The following CATSPERE variants were observed in gnomAD, a reference collection of about 807,000 sequenced individuals.
The protein encoded by CATSPERE is cation channel sperm-associated auxiliary subunit epsilon.
CATSPERE carries 93 observed loss-of-function variants against 114.1 expected under a neutral mutation model. The ratio of observed to expected loss-of-function variants is 0.81; its 90% CI spans 0.69 to 0.97. The LOEUF (loss-of-function observed/expected upper bound fraction) is 0.97, where lower values mean the gene tolerates loss of function less well. CATSPERE is among the 50% of genes least tolerant of loss of function. CATSPERE has a pLI of 0.00. For missense variants in CATSPERE, 1,058 were observed against 1,131.6 expected, an observed-to-expected ratio of 0.93 and a Z score of 0.93; for synonymous variants, 341 against 384.1, an observed-to-expected ratio of 0.89 and a Z score of 1.31.
At chr1:244,477,744 C>A in intron 3 of CATSPERE, 130 bp downstream of exon 3, 2 of 934,474 alleles carry the variant, frequency 2.1e-6, no homozygotes, top group Non-Finnish European at 3.3e-6. Context: ...AAAAGCAAGA[C>A]AAAATCAGGT....
intron 6 of CATSPERE, among the ~76,000 whole-genome samples, chr1:244,491,006 G>C (rs1293391382): frequency 6.6e-6 from 1 of 151,870 alleles, no homozygotes; most frequent in Non-Finnish European, 1.5e-5. Context: ...AGTATGAAGG[G>C]GGTCCTACTG....
rs571247040 is a variant in CATSPERE, at chr1:244,523,185, C to T, written c.536+4487C>T. ...TGGGATGCAAGGCTGATTCAATATA[C>T]GCAAATCAATAAATGTAATCCAGCA... On this transcript the variant is annotated intron_variant, in intron 8 of 21. Transcript: ENST00000366534. 6.8e-4 allele frequency among the ~76,000 whole-genome samples: 101 copies of T among 149,444 alleles called. 2 individuals are homozygous for T. The highest frequency in any genetic ancestry group is 2.1e-3 in the African/African-American group (83 of 39,170).
intron 7 of CATSPERE, among the ~76,000 whole-genome samples, chr1:244,508,299 T>G (rs1252886134): frequency 6.7e-6 from 1 of 150,266 alleles, no homozygotes; most frequent in African/African-American, 2.4e-5. Context: ...CTGTTTTTTC[T>G]TTTCTTTTTT....
At chr1:244,478,358 A>G (rs769171927) in intron 4 of CATSPERE, among the ~76,000 whole-genome samples, 1 of 152,226 alleles carries the variant, frequency 6.6e-6, no homozygotes, top group Non-Finnish European at 1.5e-5. Flanking sequence ...ATTTTCTTCA[A>G]CTGAAGAAAA....
At chr1:244,496,104 G>GT (rs1428637405) in intron 6 of CATSPERE, among the ~76,000 whole-genome samples, 35 of 152,268 alleles carry the variant, frequency 2.3e-4, no homozygotes, top group African/African-American at 8.2e-4. Context: ...AAATCCCCAT[G>GT]TTGGGGAATT....
At chr1:244,612,657 AGATTGATT>A (rs1179273815) in intron 19 of CATSPERE, among the ~76,000 whole-genome samples, 2 of 152,004 alleles carry the variant, frequency 1.3e-5, no homozygotes, top group African/African-American at 4.8e-5. Context: ...AGGCTAGGGG[AGATTGATT>A]GATTGATTGA....
rs149563077 is a variant in CATSPERE at position 244,554,033 on chromosome 1, T to C, written c.1029+1219T>C. Among the ~76,000 whole-genome samples, 636 of 152,326 alleles carry C rather than the reference T, an allele frequency of 4.2e-3. 3 individuals carry two copies. Among genetic ancestry groups the C allele is most frequent in the African/African-American group, 5.8e-3 (242 of 41,568 alleles). On this transcript the variant is annotated intron_variant, in intron 9 of 21. Coordinates refer to ENST00000366534, the MANE Select transcript of CATSPERE (RefSeq NM_001130957.2). Reference sequence around the variant, plus strand: ...ATTTTTATGGCCAAATGGTATTCCATTGGGTATATATAACCCATTTTCTTT... The same window carrying C: ...ATTTTTATGGCCAAATGGTATTCCACTGGGTATATATAACCCATTTTCTTT...
At chr1:244,464,028 T>G in intron 2 of CATSPERE, 72 bp downstream of exon 2, 1 of 1,104,768 alleles carries the variant, frequency 9.1e-7, no homozygotes, top group Non-Finnish European at 1.4e-6. Context: ...AGAGCAGAGT[T>G]AATCATATTG....
rs769932174 is a variant in CATSPERE, at chr1:244,552,305, TTTC to T, written c.537-14_537-12del. On this transcript the variant is annotated splice_polypyrimidine_tract_variant and intron_variant, in intron 8 of 21. Transcript: ENST00000366534. ...TGAGAGAGAGATCATTTTATTCTCT[TTTC>T]TTTCTCTTCTTAGGACCTGGCGTAT... 2 of 1,576,186 alleles carry T rather than the reference TTTC, an allele frequency of 1.3e-6. No homozygotes were observed. Among genetic ancestry groups the T allele is most frequent in the Admixed American group, 3.7e-5 (2 of 53,770 alleles).
At chr1:244,581,905 G>T (rs748542388) in intron 12 of CATSPERE, 51 bp downstream of exon 12, 1 of 800,180 alleles carries the variant, frequency 1.2e-6, no homozygotes. Context: ...TGCTACTCAG[G>T]TTATTGATTT....
intron 8 of CATSPERE, among the ~76,000 whole-genome samples, chr1:244,547,678 T>G (rs902393615): frequency 3.3e-5 from 5 of 152,116 alleles, no homozygotes; most frequent in Non-Finnish European, 7.4e-5. Context: ...CAAAAACCTG[T>G]AATAGATTCA....
intron 7 of CATSPERE, among the ~76,000 whole-genome samples, chr1:244,516,905 A>G (rs571119007): frequency 1.1e-4 from 17 of 152,242 alleles, no homozygotes; most frequent in African/African-American, 2.7e-4. Flanking sequence ...AGTCCTAACC[A>G]TGGAAAAGAC....
chr1:244,473,675 G>C (rs191836074), intron 2 of CATSPERE, among the ~76,000 whole-genome samples: 1 of 151,798 alleles, frequency 6.6e-6, no homozygotes, highest in East Asian at 1.9e-4. Context: ...AGAAGTTGTT[G>C]GCAAACCCAA....
At chr1:244,635,609 G>A (rs1245947284) in intron 21 of CATSPERE, 67 bp downstream of exon 21, 3 of 1,227,862 alleles carry the variant, frequency 2.4e-6, no homozygotes, top group Non-Finnish European at 3.6e-6. Context: ...AGCTAAGAAG[G>A]AAAAGCACCT....
intron 7 of CATSPERE, among the ~76,000 whole-genome samples, chr1:244,513,231 T>C (rs1303738564): frequency 6.6e-6 from 1 of 152,054 alleles, no homozygotes; most frequent in African/African-American, 2.4e-5. Context: ...GTGGGCTGAA[T>C]TGGCCAATCC....
rs760160140 is a variant in CATSPERE, at chr1:244,475,135, C to G, written c.115-2406C>G. On this transcript the variant is annotated intron_variant, in intron 2 of 21. Coordinates refer to ENST00000366534, the MANE Select transcript of CATSPERE (RefSeq NM_001130957.2). ...TGTTTTATAAATTTCTATTTTTTCT[C>G]TTTCTTATATCCTTCCTTTTATTTG... Among the ~76,000 whole-genome samples the G allele has an allele frequency of 4.6e-5, 7 of 151,952 alleles. No individual in the cohort carries two copies. In the South Asian group the frequency reaches 6.2e-4, roughly 13 times the overall value.
chr1:244,523,163 G>A (rs1031333173), intron 8 of CATSPERE, among the ~76,000 whole-genome samples: 1 of 149,424 alleles, frequency 6.7e-6, no homozygotes, highest in Non-Finnish European at 1.5e-5. Context: ...TCATCCCTGG[G>A]ATGCAAGGCT....
intron 10 of CATSPERE, among the ~76,000 whole-genome samples, chr1:244,566,681 T>TTTTTTTTTTTTTTTTC (rs1663596733): frequency 7.9e-6 from 1 of 127,300 alleles, no homozygotes; most frequent in Non-Finnish European, 1.7e-5. Context: ...TTTTTTTTTT[T>TTTTTTTTTTTTTTTTC]TTTTTTGCTT....
At chr1:244,460,215 G>C (rs773423480), upstream of CATSPERE, among the ~76,000 whole-genome samples, 17 of 152,328 alleles carry the variant, frequency 1.1e-4, no homozygotes, top group Non-Finnish European at 2.5e-4. Context: ...AGACTAGATT[G>C]CCTTTGTAGG....
Sources: allele counts gnomAD v4.1 joint callset (sites outside exome capture counted in the v4.1 genomes callset), GRCh38; gene constraint gnomAD v4.1.1; transcripts MANE v1.5; gene names NCBI Gene and HGNC (gene_info 2026-07-23, HGNC 2026-07-21).